MAN1C1: variants seen among roughly 807,000 people sequenced by gnomAD.
MAN1C1 encodes mannosyl-oligosaccharide 1,2-alpha-mannosidase IC.
MAN1C1 carries 49 observed loss-of-function variants against 71.5 expected under a neutral mutation model. The observed-to-expected ratio is 0.69, with a 90% confidence interval of 0.54 to 0.87. The LOEUF (loss-of-function observed/expected upper bound fraction) is 0.87. MAN1C1 is among the 40% of genes least tolerant of loss of function. The pLI is 0.00. For synonymous variants in MAN1C1, 352 were observed against 343.7 expected, an observed-to-expected ratio of 1.02 and a Z score of -0.27; for missense variants, 743 against 835.0, an observed-to-expected ratio of 0.89 and a Z score of 1.36.
At chr1:25,719,458 C>G (rs886541630) in intron 2 of MAN1C1, among the ~76,000 whole-genome samples, 21 of 150,346 alleles carry the variant, frequency 1.4e-4, no homozygotes, top group African/African-American at 3.7e-4. Context: ...GATAGGGTCT[C>G]TCTGTGCTCA....
chr1:25,686,276 A>G (rs1179253511), intron 1 of MAN1C1, among the ~76,000 whole-genome samples, 164 bp from the exon 2 acceptor site: 4 of 152,224 alleles, frequency 2.6e-5, no homozygotes, highest in Admixed American at 1.3e-4. Flanking sequence ...CTATAACTGT[A>G]CAAATAAAAT....
In MAN1C1 at chr1:25,746,088, T is replaced by G. The variant is rs948673640; in HGVS notation, c.638-580T>G. Among the ~76,000 whole-genome samples, 1 of 151,988 alleles carries G rather than the reference T, an allele frequency of 6.6e-6. No individual in the cohort carries two copies. ...GGGAGGCCGAAGTGGGTGGATCACTTGAGGCCAGGAGTTCAAGACCAGCCT... is the reference window on the plus strand; with the variant it reads ...GGGAGGCCGAAGTGGGTGGATCACTGGAGGCCAGGAGTTCAAGACCAGCCT... On this transcript the variant is annotated intron_variant, in intron 2 of 11. Coordinates refer to ENST00000374332, the MANE Select transcript of MAN1C1 (RefSeq NM_020379.4). This position sits in a 1 kb window ranked among gnomAD's most constrained non-coding sequence, Gnocchi z 4.0.
At chr1:25,672,183 G>A (rs899561783) in intron 1 of MAN1C1, among the ~76,000 whole-genome samples, 34 of 152,220 alleles carry the variant, frequency 2.2e-4, no homozygotes, top group African/African-American at 8.0e-4. Context: ...AAGGGCAGGA[G>A]AGGAAGGTGC....
Position 25,702,190 on chromosome 1 carries a change from G to A in MAN1C1, c.637+15654G>A, listed in dbSNP as rs533623710. ...ATCGCCGGCCTAAGAGGATGTCCCC[G>A]TGGGGCTGCTTAGAAAGAACTTGAG... On this transcript the variant is annotated intron_variant, in intron 2 of 11. Coordinates refer to ENST00000374332, the MANE Select transcript of MAN1C1 (RefSeq NM_020379.4). 5.9e-5 allele frequency among the ~76,000 whole-genome samples: 9 copies of A among 152,290 alleles called. No individual in the cohort carries two copies. In the East Asian group the frequency reaches 1.5e-3, roughly 26 times the overall value.
chr1:25,675,709 G>A (rs1414384837), intron 1 of MAN1C1, among the ~76,000 whole-genome samples: 2 of 151,782 alleles, frequency 1.3e-5, no homozygotes, highest in Non-Finnish European at 2.9e-5. Flanking sequence ...ATTCCCACCA[G>A]CAGTGTAAAA....
chr1:25,619,912 A>T (rs1040024247), intron 1 of MAN1C1, among the ~76,000 whole-genome samples: 2 of 152,154 alleles, frequency 1.3e-5, no homozygotes, highest in Non-Finnish European at 2.9e-5. Context: ...GCAGTTTTTC[A>T]TGGGGCATCC....
intron 2 of MAN1C1, among the ~76,000 whole-genome samples, chr1:25,697,140 A>G (rs1557769772): frequency 6.6e-6 from 1 of 152,080 alleles, no homozygotes; most frequent in Non-Finnish European, 1.5e-5. Context: ...GTTGTATCAT[A>G]TCAGAAAGAA....
chr1:25,766,771 A>G (rs2047433267), intron 7 of MAN1C1, among the ~76,000 whole-genome samples: 1 of 152,102 alleles, frequency 6.6e-6, no homozygotes, highest in Non-Finnish European at 1.5e-5. Context: ...GCACCTGAGT[A>G]ACTTGTCCAC....
chr1:25,714,583 A>G (rs2046655110), intron 2 of MAN1C1, among the ~76,000 whole-genome samples: 1 of 137,130 alleles, frequency 7.3e-6, no homozygotes, highest in South Asian at 2.1e-4. Context: ...CTCAGAAAGC[A>G]GATAAAAAAA....
rs1437667204 is a variant in MAN1C1, at chr1:25,778,881, A to T, written c.1477+557A>T. Among the ~76,000 whole-genome samples, 2 of 152,120 alleles carry T rather than the reference A, an allele frequency of 1.3e-5. No individual in the cohort carries two copies. The highest frequency in any genetic ancestry group is 1.3e-4 in the Admixed American group (2 of 15,278). On this transcript the variant is annotated intron_variant, in intron 9 of 11. Coordinates refer to ENST00000374332, the MANE Select transcript of MAN1C1 (RefSeq NM_020379.4). This position sits in a 1 kb window ranked among gnomAD's most constrained non-coding sequence, Gnocchi z 5.5. ...CCACCACTCACCACTGAATTGTCCGATGCTAGAATCAGAGGTCACATTTGA... is the reference window on the plus strand; with the variant it reads ...CCACCACTCACCACTGAATTGTCCGTTGCTAGAATCAGAGGTCACATTTGA...
intron 2 of MAN1C1, among the ~76,000 whole-genome samples, chr1:25,697,867 C>G (rs2046388281): frequency 6.6e-6 from 1 of 152,158 alleles, no homozygotes; most frequent in Non-Finnish European, 1.5e-5. Flanking sequence ...TTCTAGTTGC[C>G]CCATTATCCT....
intron 1 of MAN1C1, among the ~76,000 whole-genome samples, chr1:25,635,438 C>CTTTTTTTTTTTTTTTTTTTT (rs747915977): frequency 1.5e-5 from 2 of 131,492 alleles, no homozygotes; most frequent in Admixed American, 7.6e-5. Context: ...TTCTTTCTTT[C>CTTTTTTTTTTTTTTTTTTTT]TTTTTTTTTT....
At chr1:25,680,392 G>A (rs79384483) in intron 1 of MAN1C1, among the ~76,000 whole-genome samples, 235 of 152,176 alleles carry the variant, frequency 1.5e-3, no homozygotes, top group Non-Finnish European at 2.8e-3. Flanking sequence ...CACAAATTGT[G>A]AATAATCACC....
intron 1 of MAN1C1, among the ~76,000 whole-genome samples, chr1:25,648,496 C>T (rs983293428): frequency 6.6e-6 from 1 of 152,042 alleles, no homozygotes; most frequent in African/African-American, 2.4e-5. Context: ...AGGGTGCTTT[C>T]TCCTCCCCAG....
At chr1:25,625,670 A>C (rs1416849896) in intron 1 of MAN1C1, among the ~76,000 whole-genome samples, 2 of 152,008 alleles carry the variant, frequency 1.3e-5, no homozygotes, top group African/African-American at 2.4e-5. Context: ...TCTATATATA[A>C]AATAATCAGG....
intron 2 of MAN1C1, among the ~76,000 whole-genome samples, chr1:25,729,740 G>A (rs1212622914): frequency 6.6e-6 from 1 of 152,040 alleles, no homozygotes; most frequent in Non-Finnish European, 1.5e-5. Context: ...TCCATCTCTT[G>A]ACCTCATGAT....
chr1:25,627,554 C>T (rs1200508607), intron 1 of MAN1C1, among the ~76,000 whole-genome samples: 4 of 152,192 alleles, frequency 2.6e-5, no homozygotes, highest in East Asian at 3.8e-4. Flanking sequence ...GGATTACAGG[C>T]GTGAGCCACT....
chr1:25,740,062 C>T (rs539969115), intron 2 of MAN1C1, among the ~76,000 whole-genome samples: 4 of 152,174 alleles, frequency 2.6e-5, no homozygotes, highest in Admixed American at 6.5e-5. Flanking sequence ...ACCGAGTTCT[C>T]TCCCTAGGAG....
rs376586886 is a variant in MAN1C1, at chr1:25,661,487, C to A, written c.541-24953C>A. Among the ~76,000 whole-genome samples, 5 of 152,304 alleles carry A rather than the reference C, an allele frequency of 3.3e-5. No homozygotes were observed. In the East Asian group the frequency reaches 9.6e-4, roughly 29 times the overall value. On this transcript the variant is annotated intron_variant, in intron 1 of 11. Transcript: ENST00000374332. ...CTTTTCCCCAGAGCACAAATGTCCC[C>A]CTCTGTGTCTTGCTCTCCCCCACCG...
Sources: allele counts gnomAD v4.1 joint callset (sites outside exome capture counted in the v4.1 genomes callset), GRCh38; gene constraint gnomAD v4.1.1; non-coding constraint Gnocchi (gnomAD v3.1); transcripts MANE v1.5; gene names NCBI Gene and HGNC (gene_info 2026-07-23, HGNC 2026-07-21).